Variants in OR3A2 observed in about 807,000 individuals in gnomAD.
OR3A2 encodes olfactory receptor 3A2.
For missense variants in OR3A2, 318 were observed against 392.8 expected (o/e 0.81, Z 1.61); for synonymous variants, 126 against 159.3 (o/e 0.79, Z 1.57).
intron 3 of OR3A2, among the ~76,000 whole-genome samples, chr17:3,326,324 T>A (rs1174856950): frequency 6.6e-6 from 1 of 151,990 alleles, no homozygotes; most frequent in Admixed American, 6.6e-5. Context: ...GATTGCTGGG[T>A]CAAATGTAAA....
intron 3 of OR3A2, among the ~76,000 whole-genome samples, chr17:3,325,331 T>G (rs1397657451): frequency 1.3e-5 from 2 of 150,200 alleles, no homozygotes; most frequent in Non-Finnish European, 2.9e-5. Context: ...TGCCTCAGCC[T>G]CCTGAGTAGC....
rs1308370772 is a variant in OR3A2 at position 3,300,571 on chromosome 17, T to TAAA, written c.-84-21419_-84-21418insTTT. On this transcript the variant is annotated intron_variant, in intron 3 of 4. Transcript: ENST00000573491. The stretch of plus-strand genomic sequence containing the variant: ...GAGAATCGGTCTCAAAATAAATAAA[T>TAAA]TAATTAATTAATTAAATAAAATCAC... Among the ~76,000 whole-genome samples the TAAA allele has an allele frequency of 1.6e-4, 25 of 151,942 alleles. No homozygotes were observed. The East Asian group carries it at 4.7e-3, about 28-fold the overall frequency.
At chr17:3,290,564 A>T (rs1312128936) in intron 3 of OR3A2, among the ~76,000 whole-genome samples, 1 of 152,210 alleles carries the variant, frequency 6.6e-6, no homozygotes, top group Non-Finnish European at 1.5e-5. Context: ...GTGCCAGTCA[A>T]AGGAAAGTTT....
intron 2 of OR3A2, among the ~76,000 whole-genome samples, chr17:3,340,402 C>T (rs1287840580): frequency 1.3e-5 from 2 of 152,078 alleles, no homozygotes; most frequent in East Asian, 1.9e-4. Flanking sequence ...CTTGTGGGCA[C>T]TTAGTGCTAT....
At position 3,311,739 on chromosome 17, in the gene OR3A2, C is replaced by A; in HGVS notation, c.-85+24294G>T. ...CATGTGGCTCCCACCTCACTGTGGT[C>A]TGAATCTTTTATGGAACTGGCTTCT... On this transcript the variant is annotated intron_variant, in intron 3 of 4. Coordinates refer to the OR3A2 transcript ENST00000573491. The surrounding 1 kb of genome is among the most constrained non-coding windows in gnomAD (Gnocchi z 4.6). 1 of 262,900 alleles carries A rather than the reference C, an allele frequency of 3.8e-6. No individual in the cohort carries two copies. Among genetic ancestry groups the A allele is most frequent in the South Asian group, 5.7e-5 (1 of 17,560 alleles). The allele number at this position is 262,900 out of a possible 1,614,324, so 16.3% of individuals were successfully genotyped here.
intron 3 of OR3A2, among the ~76,000 whole-genome samples, chr17:3,329,996 T>A (rs895543196): frequency 1.4e-5 from 2 of 146,936 alleles, no homozygotes; most frequent in Non-Finnish European, 3.0e-5. Flanking sequence ...GAGCAGGTTG[T>A]TCAGTTTCCA....
intron 2 of OR3A2, among the ~76,000 whole-genome samples, chr17:3,363,856 T>C (rs1048328722): frequency 6.6e-6 from 1 of 152,124 alleles, no homozygotes; most frequent in East Asian, 1.9e-4. Flanking sequence ...CTTGTTAACA[T>C]GGTGGCAGGA....
chr17:3,287,935 C>A (rs2048828754), upstream of OR3A2, among the ~76,000 whole-genome samples: 1 of 151,026 alleles, frequency 6.6e-6, no homozygotes. Flanking sequence ...TTAGAGCATA[C>A]ATAACAATAA....
Position 3,355,151 on chromosome 17 carries a change from G to T in OR3A2, c.-178-19025C>A, listed in dbSNP as rs906262684. On this transcript the variant is annotated intron_variant, in intron 2 of 4. Coordinates refer to the OR3A2 transcript ENST00000573491. ...TGATTTCTACTTTTATTCCATTGTG[G>T]TCAGAGAAGATGCTTGATATTATTT... Among the ~76,000 whole-genome samples, 38 of 151,250 alleles carry T rather than the reference G, an allele frequency of 2.5e-4. 1 individual carries two copies. Among genetic ancestry groups the T allele is most frequent in the African/African-American group, 8.3e-4 (34 of 40,886 alleles).
At chr17:3,280,525 G>T (rs958799302) in intron 1 of OR3A2, among the ~76,000 whole-genome samples, 1 of 152,166 alleles carries the variant, frequency 6.6e-6, no homozygotes, top group African/African-American at 2.4e-5. Flanking sequence ...GCCCGCCTCG[G>T]CCTCCCAAAG....
intron 2 of OR3A2, among the ~76,000 whole-genome samples, chr17:3,377,374 G>A (rs927954155): frequency 6.6e-6 from 1 of 152,196 alleles, no homozygotes; most frequent in Non-Finnish European, 1.5e-5. Context: ...GCAATGTCTG[G>A]TAGGTGTTCA....
chr17:3,285,380 T>C (rs2150618539), upstream of OR3A2, among the ~76,000 whole-genome samples: 1 of 152,306 alleles, frequency 6.6e-6, no homozygotes, highest in African/African-American at 2.4e-5. Flanking sequence ...GGGCCTCAGT[T>C]TCCTCATCTG....
intron 3 of OR3A2, among the ~76,000 whole-genome samples, chr17:3,334,333 C>T (rs183358690): frequency 7.6e-4 from 116 of 152,264 alleles, no homozygotes; most frequent in African/African-American, 2.7e-3. Context: ...CTGGTAACCA[C>T]TATTCTACTA....
intron 2 of OR3A2, among the ~76,000 whole-genome samples, chr17:3,356,506 A>G (rs1333362143): frequency 6.6e-6 from 1 of 151,524 alleles, no homozygotes; most frequent in Non-Finnish European, 1.5e-5. Flanking sequence ...ACCATATGCA[A>G]ATAAATTCAA....
intron 1 of OR3A2, among the ~76,000 whole-genome samples, chr17:3,385,304 C>T (rs1314834039): frequency 6.6e-6 from 1 of 152,208 alleles, no homozygotes; most frequent in African/African-American, 2.4e-5. Context: ...GAAATTTAGA[C>T]TGGTACTCAA....
chr17:3,341,986 C>T lies in OR3A2; in HGVS notation c.-178-5860G>A, dbSNP rs1301058060. ...TTCTTTTTACTCTTTTTTCTCTAAACTTCTCTTCTTGCTTTATTTCATTAA... is the reference window on the plus strand; with the variant it reads ...TTCTTTTTACTCTTTTTTCTCTAAATTTCTCTTCTTGCTTTATTTCATTAA... On this transcript the variant is annotated intron_variant, in intron 2 of 4. Transcript: ENST00000573491. Among the ~76,000 whole-genome samples, 3 of 152,056 alleles carry T rather than the reference C, an allele frequency of 2.0e-5. No homozygotes were observed. In the East Asian group the frequency reaches 5.8e-4, roughly 29 times the overall value.
In OR3A2 at chr17:3,364,899, AC is replaced by A. The variant is rs757587770; in HGVS notation, c.-179+18904del. ...TTTTAAATACTTAGCAATAAGCAGA[AC>A]ATATAAGCACTAAGGTAAAAAAAAA... On this transcript the variant is annotated intron_variant, in intron 2 of 4. Coordinates refer to the OR3A2 transcript ENST00000573491. 2.7e-4 allele frequency among the ~76,000 whole-genome samples: 37 copies of A among 138,612 alleles called. No individual in the cohort carries two copies. In the Middle Eastern group the frequency reaches 0.011, roughly 40 times the overall value. 90.9% of individuals were successfully genotyped at this position (138,612 alleles called of 152,430 possible).
In OR3A2 at chr17:3,283,694, CCT is replaced by C. The variant is rs1358821448; in HGVS notation, c.-7+662_-7+663del. Among the ~76,000 whole-genome samples, 8 of 152,122 alleles carry C rather than the reference CCT, an allele frequency of 5.3e-5. 1 individual carries two copies. Among genetic ancestry groups the C allele is most frequent in the Non-Finnish European group, 1.0e-4 (7 of 68,030 alleles). On this transcript the variant is annotated intron_variant, in intron 1 of 1. Transcript: ENST00000642052. Reference sequence around the variant, plus strand: ...AGGGTTCAAGGCTGTGGCAGGGACTCCTCTGTGTTAACAGGACAAGCAGGTCA... The same window carrying C: ...AGGGTTCAAGGCTGTGGCAGGGACTCCTGTGTTAACAGGACAAGCAGGTCA...
At chr17:3,346,845 T>G (rs989541058) in intron 2 of OR3A2, among the ~76,000 whole-genome samples, 1 of 152,166 alleles carries the variant, frequency 6.6e-6, no homozygotes, top group Non-Finnish European at 1.5e-5. Flanking sequence ...TCCAGTTCCA[T>G]CCATGTTTTT....
Sources: gnomAD v4.1 joint callset for allele counts (sites outside exome capture counted in the v4.1 genomes callset) on GRCh38, gnomAD v4.1.1 for gene constraint, Gnocchi (gnomAD v3.1) non-coding constraint, MANE v1.5 for transcripts, NCBI Gene and HGNC (gene_info 2026-07-23, HGNC 2026-07-21) for gene names.